EPHB1: variants seen among roughly 807,000 people sequenced by gnomAD.
The protein encoded by EPHB1 is ephrin type-B receptor 1.
EPHB1 carries 30 observed loss-of-function variants against 94.4 expected under a neutral mutation model. That is an observed-to-expected ratio of 0.32 (90% CI 0.24 to 0.43). The LOEUF is 0.43. Among genes scored for constraint, EPHB1 ranks in the 20% least tolerant of loss-of-function variants. EPHB1 has a pLI of 1.00. For missense variants in EPHB1, 1,055 were observed against 1,308.3 expected (o/e 0.81, Z 2.99); for synonymous variants, 522 against 489.1 (o/e 1.07, Z -0.89).
At chr3:135,119,665 C>T (rs904332103) in intron 4 of EPHB1, among the ~76,000 whole-genome samples, 4 of 151,824 alleles carry the variant, frequency 2.6e-5, no homozygotes, top group Non-Finnish European at 4.4e-5. Flanking sequence ...TTGGCCAGAC[C>T]GGTCTCAAAC....
At chr3:134,980,147 G>T (rs1934349759) in intron 3 of EPHB1, among the ~76,000 whole-genome samples, 1 of 152,212 alleles carries the variant, frequency 6.6e-6, no homozygotes, top group African/African-American at 2.4e-5. Flanking sequence ...ATCATCCAGA[G>T]ACTTATCACA....
At chr3:134,859,163 T>C (rs1021133312) in intron 1 of EPHB1, among the ~76,000 whole-genome samples, 3 of 152,228 alleles carry the variant, frequency 2.0e-5, no homozygotes, top group Non-Finnish European at 4.4e-5. Flanking sequence ...TCAGGATCTC[T>C]CAGTTAACTG....
intron 1 of EPHB1, among the ~76,000 whole-genome samples, chr3:134,844,335 C>T (rs932177410): frequency 6.6e-6 from 1 of 152,164 alleles, no homozygotes. Context: ...TTGAAGTCTG[C>T]TCTGGCTTTG....
intron 3 of EPHB1, among the ~76,000 whole-genome samples, chr3:135,072,313 G>T (rs1937748398): frequency 6.6e-6 from 1 of 152,142 alleles, no homozygotes; most frequent in Non-Finnish European, 1.5e-5. Flanking sequence ...GAACCTAGGA[G>T]GGGGAGGCTG....
chr3:135,044,402 A>C (rs1330086874), intron 3 of EPHB1, among the ~76,000 whole-genome samples: 4 of 152,230 alleles, frequency 2.6e-5, no homozygotes, highest in Admixed American at 2.6e-4. Context: ...TCCAGCCCTC[A>C]GCAAGCAGAG....
intron 2 of EPHB1, among the ~76,000 whole-genome samples, chr3:134,926,605 G>A (rs1212015905): frequency 6.6e-6 from 1 of 152,232 alleles, no homozygotes; most frequent in African/African-American, 2.4e-5. Context: ...AGAGGGAAGA[G>A]TCTGTGTGTA....
chr3:135,169,197 T>A (rs1941737167), intron 9 of EPHB1, among the ~76,000 whole-genome samples: 1 of 152,076 alleles, frequency 6.6e-6, no homozygotes, highest in Non-Finnish European at 1.5e-5. Flanking sequence ...GTTCCTGAGA[T>A]CCATAGAAAA....
At chr3:135,052,890 A>ATAT (rs1236181492) in intron 3 of EPHB1, among the ~76,000 whole-genome samples, 1 of 54,606 alleles carries the variant, frequency 1.8e-5, no homozygotes, top group African/African-American at 1.1e-4. Context: ...AAAAAAAAAA[A>ATAT]ATATATATAT....
At chr3:135,176,527 T>C (rs769260564) in intron 9 of EPHB1, among the ~76,000 whole-genome samples, 9 of 152,222 alleles carry the variant, frequency 5.9e-5, no homozygotes, top group Non-Finnish European at 1.2e-4. Context: ...CATATATGTG[T>C]GCACACACAC....
intron 1 of EPHB1, among the ~76,000 whole-genome samples, chr3:134,797,680 G>C (rs2035856658): frequency 6.6e-6 from 1 of 152,204 alleles, no homozygotes; most frequent in African/African-American, 2.4e-5. Context: ...CTTGCCGGAA[G>C]CTGCCCGCGG....
intron 3 of EPHB1, among the ~76,000 whole-genome samples, chr3:134,955,067 CTTTCTTTTTTT>C (rs1559770449): frequency 5.6e-4 from 4 of 7,098 alleles, no homozygotes; most frequent in African/African-American, 8.1e-4. Flanking sequence ...TCCTGACATC[CTTTCTTTTTTT>C]TTTTTTTTTT....
chr3:134,983,346 C>A (rs1934480177), intron 3 of EPHB1, among the ~76,000 whole-genome samples: 1 of 152,250 alleles, frequency 6.6e-6, no homozygotes, highest in Non-Finnish European at 1.5e-5. Flanking sequence ...TAGCAATTAA[C>A]CACTTGCAGG....
In EPHB1 at chr3:134,795,365, C is replaced by T. The variant is rs548655199; in HGVS notation, c.-267C>T. 18 of 506,622 alleles carry T rather than the reference C, an allele frequency of 3.6e-5. No homozygotes were observed. The highest frequency in any genetic ancestry group is 8.4e-5 in the Admixed American group (2 of 23,808). The allele number at this position is 506,622 out of a possible 1,614,324, so 31.4% of individuals were successfully genotyped here. A position where few individuals can be genotyped will look rare whatever the true frequency, so the allele number is the denominator to read the frequency against. ...TCCCAGGCTCGTTCTCCCTCGCCCT[C>T]TCTCTCTCACACACGCACGCACACA... On this transcript the variant is annotated 5_prime_UTR_variant, in exon 1 of 16. Coordinates refer to ENST00000398015, the MANE Select transcript of EPHB1 (RefSeq NM_004441.5).
intron 1 of EPHB1, among the ~76,000 whole-genome samples, chr3:134,856,140 G>A (rs1402077138): frequency 6.6e-6 from 1 of 152,214 alleles, no homozygotes; most frequent in Non-Finnish European, 1.5e-5. Context: ...CTGAGTGCTA[G>A]TGTCCCACCA....
chr3:135,013,119 C>T (rs1265721869), intron 3 of EPHB1, among the ~76,000 whole-genome samples: 1 of 152,118 alleles, frequency 6.6e-6, no homozygotes, highest in African/African-American at 2.4e-5. Flanking sequence ...ATGGGCCAAA[C>T]GGGATGGGGA....
intron 10 of EPHB1, among the ~76,000 whole-genome samples, chr3:135,191,391 T>C: frequency 6.6e-6 from 1 of 152,296 alleles, no homozygotes; most frequent in South Asian, 2.1e-4. Context: ...CCCAAATGAA[T>C]CACAGGAGCA....
chr3:134,882,780 T>TTCTC (rs2037774453), intron 1 of EPHB1, among the ~76,000 whole-genome samples: 1 of 60,614 alleles, frequency 1.6e-5, no homozygotes, highest in Admixed American at 1.8e-4. Flanking sequence ...CTTTCTTTCT[T>TTCTC]TCTTTCTTTC....
At chr3:135,107,813 G>C (rs1939278603) in intron 4 of EPHB1, among the ~76,000 whole-genome samples, 1 of 152,080 alleles carries the variant, frequency 6.6e-6, no homozygotes, top group Admixed American at 6.5e-5. Flanking sequence ...CTGAGGAAAA[G>C]CTCATCCTGT....
intron 3 of EPHB1, among the ~76,000 whole-genome samples, chr3:135,019,668 T>A (rs1423774261): frequency 2.0e-5 from 3 of 152,242 alleles, no homozygotes; most frequent in Non-Finnish European, 4.4e-5. Flanking sequence ...CTTCATCCAT[T>A]GAATATTACA....
Sources: allele counts gnomAD v4.1 joint callset (sites outside exome capture counted in the v4.1 genomes callset), GRCh38; gene constraint gnomAD v4.1.1; transcripts MANE v1.5; gene names NCBI Gene and HGNC (gene_info 2026-07-23, HGNC 2026-07-21).